The following COG6 variants were observed in gnomAD, a reference collection of about 807,000 sequenced individuals.
COG6 encodes component of oligomeric golgi complex 6.
A neutral mutation model predicts 88.8 loss-of-function variants in COG6; 74 were observed. The observed-to-expected ratio is 0.83, with a 90% CI of 0.69 to 1.01. COG6 has a LOEUF of 1.01. Ranked by LOEUF, COG6 falls within the 50% of genes least tolerant of loss-of-function variation. The probability of loss-of-function intolerance (pLI) is 0.00; values close to 1 mark genes in which losing one functional copy is unlikely to be tolerated. For synonymous variants in COG6, 286 were observed against 278.7 expected (o/e 1.03, Z -0.26); for missense variants, 800 against 797.9 (o/e 1.00, Z -0.03).
chr13:39,696,933 A>T (rs1397131053), intron 12 of COG6, among the ~76,000 whole-genome samples: 1 of 148,316 alleles, frequency 6.7e-6, no homozygotes, highest in East Asian at 2.0e-4. Context: ...GAGATAATTT[A>T]TGTCACAGCC....
intron 8 of COG6, among the ~76,000 whole-genome samples, chr13:39,683,506 A>G (rs1309592689): frequency 6.6e-6 from 1 of 152,226 alleles, no homozygotes; most frequent in Non-Finnish European, 1.5e-5. Context: ...AATTAGGAGC[A>G]ACAGCTGGAT....
chr13:39,701,405 A>G (rs1338566087), intron 13 of COG6, among the ~76,000 whole-genome samples: 1 of 151,876 alleles, frequency 6.6e-6, no homozygotes, highest in Non-Finnish European at 1.5e-5. Flanking sequence ...CATATAAGAG[A>G]TAGTTGAATT....
chr13:39,784,778 C>A (rs565880495), intron 18 of COG6, among the ~76,000 whole-genome samples: 123 of 152,212 alleles, frequency 8.1e-4, no homozygotes, highest in African/African-American at 2.5e-3. Flanking sequence ...AGAGAGGAAC[C>A]TCTGGGCTCC....
rs906249380 is a variant in COG6 at position 39,687,289 on chromosome 13, G to C, written c.789-214G>C. The stretch of plus-strand genomic sequence containing the variant: ...AATCCCAGCATTGTTTCTTAGGAGG[G>C]GTAAAAGTTTTTACTTTTTGATTGA... On this transcript the variant is annotated intron_variant, in intron 8 of 18. Coordinates refer to ENST00000455146, the MANE Select transcript of COG6 (RefSeq NM_020751.3). Among the ~76,000 whole-genome samples, 3 of 151,846 alleles carry C rather than the reference G, an allele frequency of 2.0e-5. No individual in the cohort carries two copies. The East Asian group carries it at 5.8e-4, about 29-fold the overall frequency.
rs752400949 is a variant in COG6 at position 39,689,770 on chromosome 13, A to C, written c.1020A>C (p.Glu340Asp). Residue 340 changes from glutamate to aspartate, a missense_variant, in exon 11 of 19, where the codon GAA becomes GAC. Coordinates refer to ENST00000455146, the MANE Select transcript of COG6 (RefSeq NM_020751.3). ...LKHVTTQGVEENIQEVVGHIT... is the reference protein window; with the variant it reads ...LKHVTTQGVEDNIQEVVGHIT... ...AGTCATTAATTTTAGGTGTTGAAGA[A>C]AATATTCAAGAAGTTGTTGGGCATA... The C allele has an allele frequency of 6.2e-7, 1 of 1,608,072 alleles. No individual in the cohort carries two copies.
chr13:39,666,555 C>T lies in COG6; in HGVS notation c.428+1401C>T, dbSNP rs564685580. ...GACCAAAAATGGCAAGTACATGACC[C>T]CCAACTCCTTAGTTTTACATCCACT... On this transcript the variant is annotated intron_variant, in intron 4 of 18. Transcript: ENST00000455146. 5.9e-5 allele frequency among the ~76,000 whole-genome samples: 9 copies of T among 152,194 alleles called. No homozygotes were observed. The East Asian group carries it at 1.7e-3, about 29-fold the overall frequency.
intron 8 of COG6, among the ~76,000 whole-genome samples, chr13:39,686,213 T>G (rs1193290281): frequency 6.6e-6 from 1 of 152,216 alleles, no homozygotes; most frequent in African/African-American, 2.4e-5. Flanking sequence ...GGTAGAATAC[T>G]GTTTAGAGAT....
At chr13:39,658,283 A>G (rs533087389) in intron 1 of COG6, among the ~76,000 whole-genome samples, 6 of 151,990 alleles carry the variant, frequency 3.9e-5, no homozygotes, top group African/African-American at 1.4e-4. Context: ...AGCTGGGTCT[A>G]CAGGCACATG....
chr13:39,724,712 A>G, intron 17 of COG6, 151 bp downstream of exon 17: 1 of 673,246 alleles, frequency 1.5e-6, no homozygotes, highest in East Asian at 2.7e-5. Context: ...CTGAGCCTGT[A>G]TTACTTTAAT....
downstream of COG6, chr13:39,752,703 GA>G: frequency 8.8e-7 from 1 of 1,141,550 alleles, no homozygotes; most frequent in South Asian, 1.9e-5. Context: ...TGCACTAATG[GA>G]AAAGGAAATA....
intron 4 of COG6, among the ~76,000 whole-genome samples, chr13:39,668,301 G>A (rs1353445738): frequency 5.3e-5 from 8 of 152,044 alleles, no homozygotes; most frequent in African/African-American, 9.7e-5. Flanking sequence ...GTATTTTTAT[G>A]CAGTGGTCCA....
intron 13 of COG6, among the ~76,000 whole-genome samples, chr13:39,708,054 CTT>C (rs1878038984): frequency 6.6e-6 from 1 of 152,178 alleles, no homozygotes; most frequent in Non-Finnish European, 1.5e-5. Flanking sequence ...TGTTGTTAGT[CTT>C]TTTAATTTTA....
intron 11 of COG6, among the ~76,000 whole-genome samples, chr13:39,691,171 A>G (rs1347697717): frequency 6.6e-6 from 1 of 151,768 alleles, no homozygotes; most frequent in African/African-American, 2.4e-5. Context: ...TTTTATAAAT[A>G]CTATAATTTT....
At chr13:39,698,762 C>T (rs892206231) in intron 12 of COG6, among the ~76,000 whole-genome samples, 1 of 151,660 alleles carries the variant, frequency 6.6e-6, no homozygotes, top group Admixed American at 6.6e-5. Flanking sequence ...TTTTCATAAC[C>T]ACATGAAACT....
chr13:39,659,119 G>C (rs1055450150), intron 1 of COG6, among the ~76,000 whole-genome samples: 2 of 151,804 alleles, frequency 1.3e-5, no homozygotes, highest in African/African-American at 4.8e-5. Context: ...ATTATTTCTA[G>C]TCTTTGCAAT....
intron 13 of COG6, among the ~76,000 whole-genome samples, chr13:39,703,776 G>A (rs1051811474): frequency 1.3e-5 from 2 of 151,940 alleles, no homozygotes; most frequent in African/African-American, 2.4e-5. Flanking sequence ...TAAGCAACAG[G>A]GTCTTACTGT....
In COG6 at chr13:39,683,708, CA is replaced by C. The variant is rs542137636; in HGVS notation, c.788+1445del. ...ATTTTAACAGCTGTTGCATTGTCTA[CA>C]GATTAATATTTATTCACAAGGTTAA... On this transcript the variant is annotated intron_variant, in intron 8 of 18. Coordinates refer to ENST00000455146, the MANE Select transcript of COG6 (RefSeq NM_020751.3). Among the ~76,000 whole-genome samples, 362 of 151,192 alleles carry C rather than the reference CA, an allele frequency of 2.4e-3. 2 individuals are homozygous for C. Among genetic ancestry groups the C allele is most frequent in the Admixed American group, 8.5e-3 (128 of 15,146 alleles).
intron 10 of COG6, 29 bp from the exon 11 acceptor site, chr13:39,689,731 A>G: frequency 6.6e-7 from 1 of 1,505,586 alleles, no homozygotes; most frequent in Middle Eastern, 2.3e-4. Context: ...TATGGAAACA[A>G]ATATTAATTA....
At chr13:39,662,324 G>A (rs1045444875) in intron 3 of COG6, among the ~76,000 whole-genome samples, 9 of 151,628 alleles carry the variant, frequency 5.9e-5, no homozygotes, top group African/African-American at 2.2e-4. Flanking sequence ...ACAGGATTTC[G>A]CCAGGTTGTC....
Sources: allele counts gnomAD v4.1 joint callset (sites outside exome capture counted in the v4.1 genomes callset), GRCh38; gene constraint gnomAD v4.1.1; transcripts MANE v1.5; gene names NCBI Gene and HGNC (gene_info 2026-07-23, HGNC 2026-07-21).